MROH2A: variants seen among roughly 807,000 people sequenced by gnomAD.
MROH2A encodes the protein maestro heat-like repeat-containing protein family member 2A.
In MROH2A, 174 loss-of-function variants were observed where a neutral mutation model predicts 200.4. That is an observed-to-expected ratio of 0.87 (90% confidence interval 0.77 to 0.98). The LOEUF (loss-of-function observed/expected upper bound fraction) is 0.98. MROH2A is among the 50% of genes least tolerant of loss of function. The pLI is 0.00. For missense variants in MROH2A, 2,045 were observed against 2,139.6 expected, an observed-to-expected ratio of 0.96 and a Z score of 0.87; for synonymous variants, 829 against 840.4, an observed-to-expected ratio of 0.99 and a Z score of 0.23.
intron 6 of MROH2A, 125 bp downstream of exon 6, chr2:233,793,019 G>A (rs938117044): frequency 1.0e-5 from 10 of 971,078 alleles, no homozygotes; most frequent in Non-Finnish European, 1.5e-5. Flanking sequence ...CTCCAAAGGA[G>A]TTTGCTTAAT....
intron 30 of MROH2A, 43 bp downstream of exon 30, chr2:233,819,512 C>A (rs142217338): frequency 0.013 from 19,952 of 1,537,366 alleles, 209 homozygotes; most frequent in Admixed American, 0.043. Context: ...GGGGCTGGGG[C>A]TGCCTGGTGT....
intron 27 of MROH2A, 61 bp downstream of exon 27, chr2:233,816,946 TG>T: frequency 9.7e-7 from 1 of 1,032,200 alleles, no homozygotes; most frequent in Non-Finnish European, 1.4e-6. Flanking sequence ...AAAATTCCTG[TG>T]TCTATCTGGA....
chr2:233,789,753 C>T, intron 4 of MROH2A, 99 bp from the exon 5 acceptor site: 1 of 1,478,678 alleles, frequency 6.8e-7, no homozygotes, highest in Non-Finnish European at 9.0e-7. Flanking sequence ...AGGCTGAGCC[C>T]AAGGGAACCA....
intron 5 of MROH2A, among the ~76,000 whole-genome samples, chr2:233,791,210 G>T (rs529253358): frequency 2.6e-5 from 4 of 152,178 alleles, no homozygotes; most frequent in East Asian, 1.9e-4. Context: ...CTGCAGGGTC[G>T]CCTGGTGAAT....
intron 35 of MROH2A, among the ~76,000 whole-genome samples, chr2:233,824,546 G>A (rs997334585): frequency 2.6e-5 from 4 of 152,206 alleles, no homozygotes; most frequent in South Asian, 4.1e-4. Context: ...TTCAGCGGCT[G>A]GAAGCCACAC....
At chr2:233,793,922 T>C in intron 7 of MROH2A, 98 bp downstream of exon 7, 1 of 1,202,522 alleles carries the variant, frequency 8.3e-7, no homozygotes, top group Non-Finnish European at 1.1e-6. Context: ...GGGTCCACAC[T>C]TACTCCCAGG....
At position 233,820,909 on chromosome 2, in the gene MROH2A, G is replaced by A. The variant is rs958936561; in HGVS notation, c.3512+853G>A. Among the ~76,000 whole-genome samples the A allele has an allele frequency of 3.9e-5, 6 of 152,326 alleles. No individual in the cohort carries two copies. Among genetic ancestry groups the A allele is most frequent in the African/African-American group, 4.8e-5 (2 of 41,568 alleles). On this transcript the variant is annotated intron_variant, in intron 31 of 41. Transcript: ENST00000389758. The surrounding 1 kb of genome is among the most constrained non-coding windows in gnomAD (Gnocchi z 4.1). ...CTGCCGTGGGTCCAGCTGGGAGGGTGGTGCAGGTGTCATGATTTAATGAGG... is the reference window on the plus strand; with the variant it reads ...CTGCCGTGGGTCCAGCTGGGAGGGTAGTGCAGGTGTCATGATTTAATGAGG...
Position 233,779,866 on chromosome 2 carries a change from A to G in MROH2A, c.276+14A>G, listed in dbSNP as rs1700856533. 1 of 1,546,568 alleles carries G rather than the reference A, an allele frequency of 6.5e-7. No individual in the cohort carries two copies. Among genetic ancestry groups the G allele is most frequent in the Non-Finnish European group, 8.7e-7 (1 of 1,145,264 alleles). ...CAGGTGCCAGAGGTAGGGCCATCTT[A>G]CCCACTGGGCTCAGCCACCTTTAGC... On this transcript the variant is annotated intron_variant, in intron 3 of 41. Coordinates refer to ENST00000389758, the MANE Select transcript of MROH2A (RefSeq NM_001394639.1).
intron 25 of MROH2A, 118 bp from the exon 26 acceptor site, chr2:233,814,464 G>C: frequency 3.1e-6 from 2 of 645,834 alleles, no homozygotes; most frequent in East Asian, 2.8e-5. Flanking sequence ...CAAGAGCTCA[G>C]ACTGAACAGA....
chr2:233,784,375 G>A (rs1701092999), intron 3 of MROH2A, among the ~76,000 whole-genome samples: 2 of 152,036 alleles, frequency 1.3e-5, no homozygotes. Flanking sequence ...TTGATTTCTA[G>A]TTTTATTCCA....
intron 15 of MROH2A, among the ~76,000 whole-genome samples, chr2:233,803,031 G>A (rs730673): frequency 3.9e-5 from 6 of 152,114 alleles, no homozygotes; most frequent in African/African-American, 1.4e-4. Context: ...TTGTTTGTGC[G>A]CTGTTGGTTT....
chr2:233,817,025 C>T (rs1280370970), intron 27 of MROH2A, 140 bp downstream of exon 27: 3 of 579,138 alleles, frequency 5.2e-6, no homozygotes, highest in South Asian at 4.7e-5. Flanking sequence ...CTGCAGTGAC[C>T]TAGTGCCCTG....
At chr2:233,824,170 A>T (rs7606893) in intron 35 of MROH2A, among the ~76,000 whole-genome samples, 1 of 152,180 alleles carries the variant, frequency 6.6e-6, no homozygotes, top group African/African-American at 2.4e-5. Flanking sequence ...GTGGCCAACT[A>T]AGCTGTAGCA....
In MROH2A at chr2:233,822,992, C is replaced by G. The variant is rs968143308; in HGVS notation, c.3978C>G (p.Phe1326Leu). ...ACCTCCTGCAGGACGGCGGGACATT[C>G]CTGGAGGGTGTGAGCCTGCTGGCCA... is the stretch of plus-strand genomic sequence containing the variant. ...VWDLLQDGGTFLEGVSLLARL... is the reference protein window; with the variant it reads ...VWDLLQDGGTLLEGVSLLARL... The change falls in exon 34 of 42, where the codon TTC (phenylalanine) becomes TTG (leucine). Residue 1326 changes from phenylalanine (F) to leucine (L), a missense_variant. Around this residue, in one of 3 missense-constraint regions of MROH2A, gnomAD observed 1,201 missense variants for 1,311.3 expected, o/e 0.92. Transcript: ENST00000389758. 4 of 1,550,394 alleles carry G rather than the reference C, an allele frequency of 2.6e-6. No individual in the cohort carries two copies. In the African/African-American group the frequency reaches 4.1e-5, roughly 16 times the overall value.
In MROH2A at chr2:233,799,917, GC is replaced by G; in HGVS notation, c.1449+19del. The G allele has an allele frequency of 1.3e-6, 2 of 1,550,302 alleles. No homozygotes were observed. Among genetic ancestry groups the G allele is most frequent in the Non-Finnish European group, 1.7e-6 (2 of 1,146,858 alleles). ...ACAAACTGGTGAGTGGCCCTGATAC[GC>G]AGACCGCAGAGCAGCTGGACTTGGA... On this transcript the variant is annotated intron_variant, in intron 13 of 41. Coordinates refer to ENST00000389758, the MANE Select transcript of MROH2A (RefSeq NM_001394639.1).
At chr2:233,811,998 A>C in intron 24 of MROH2A, 39 bp downstream of exon 24, 1 of 1,392,174 alleles carries the variant, frequency 7.2e-7, no homozygotes, top group Non-Finnish European at 1.0e-6. Context: ...CCCAAGGGGT[A>C]GGGAAAAGTT....
rs899491845 is a variant in MROH2A at position 233,820,834 on chromosome 2, C to T, written c.3512+778C>T. Among the ~76,000 whole-genome samples, 5 of 152,168 alleles carry T rather than the reference C, an allele frequency of 3.3e-5. No homozygotes were observed. Among genetic ancestry groups the T allele is most frequent in the African/African-American group, 4.8e-5 (2 of 41,438 alleles). ...CCAGAGCCACAAGGGCTGACCTGCC[C>T]GAAATGCAGGCATGACTCCCCTGTG... On this transcript the variant is annotated intron_variant, in intron 31 of 41. Coordinates refer to ENST00000389758, the MANE Select transcript of MROH2A (RefSeq NM_001394639.1). The surrounding 1 kb of genome is among the most constrained non-coding windows in gnomAD (Gnocchi z 4.1).
At chr2:233,796,916 T>A (rs1702150798) in intron 11 of MROH2A, among the ~76,000 whole-genome samples, 1 of 152,352 alleles carries the variant, frequency 6.6e-6, no homozygotes, top group East Asian at 1.9e-4. Flanking sequence ...CCATTAAACC[T>A]TTCTCTTGAA....
rs1046814215 is a variant in MROH2A at position 233,828,902 on chromosome 2, C to T, written c.4276C>T (p.Arg1426Trp). ...CATGCCCCTCCAGGTGAAGCAGTAC[C>T]GGAAGGTCTTGCTGGAGAAGTGCCT... ...LGAPKKVKQY[R>W]KVLLEKCLGP... The change falls in exon 37 of 42, where the codon CGG becomes TGG. Residue 1426 changes from arginine (R) to tryptophan (W), a missense_variant. This residue lies in a region of MROH2A where 1,201 missense variants were observed against 1,311.3 expected (regional missense o/e 0.92). Coordinates refer to ENST00000389758, the MANE Select transcript of MROH2A (RefSeq NM_001394639.1). This position sits in a 1 kb window ranked among gnomAD's most constrained non-coding sequence, Gnocchi z 4.6. 65 of 1,550,294 alleles carry T rather than the reference C, an allele frequency of 4.2e-5. No homozygotes were observed. The Admixed American group carries it at 7.5e-4, about 18-fold the overall frequency.
Sources: gnomAD v4.1 joint callset for allele counts (sites outside exome capture counted in the v4.1 genomes callset) on GRCh38, gnomAD v4.1.1 for gene constraint, gnomAD v4.1.1 regional missense constraint, Gnocchi (gnomAD v3.1) non-coding constraint, MANE v1.5 for transcripts, NCBI Gene and HGNC (gene_info 2026-07-23, HGNC 2026-07-21) for gene names.